BMP7: variants seen among roughly 807,000 people sequenced by gnomAD.
The protein encoded by BMP7 is bone morphogenetic protein 7.
A neutral mutation model predicts 41.2 loss-of-function variants in BMP7; 12 were observed. The observed-to-expected ratio is 0.29, with a 90% CI of 0.19 to 0.47. The LOEUF is 0.47. Ranked by LOEUF, BMP7 falls within the 20% of genes least tolerant of loss-of-function variation. The probability of loss-of-function intolerance (pLI) is 0.99; values close to 1 mark genes in which losing one functional copy is unlikely to be tolerated. For synonymous variants in BMP7, 248 were observed against 250.0 expected (o/e 0.99, Z 0.07); for missense variants, 467 against 606.0 (o/e 0.77, Z 2.41).
chr20:57,226,477 G>A (rs529826182), intron 2 of BMP7, among the ~76,000 whole-genome samples: 1 of 152,208 alleles, frequency 6.6e-6, no homozygotes, highest in African/African-American at 2.4e-5. Context: ...CTTGCCCTGC[G>A]GCACCATCCA....
At chr20:57,217,190 C>T (rs916209357) in intron 2 of BMP7, among the ~76,000 whole-genome samples, 1 of 152,138 alleles carries the variant, frequency 6.6e-6, no homozygotes, top group Non-Finnish European at 1.5e-5. Flanking sequence ...CCCCACCCAC[C>T]CTCTCCCACT....
intron 1 of BMP7, among the ~76,000 whole-genome samples, chr20:57,255,799 C>CAAAAAAAAAA (rs3067106): frequency 5.8e-4 from 28 of 48,558 alleles, no homozygotes; most frequent in East Asian, 2.4e-3. Context: ...GACTCCATCT[C>CAAAAAAAAAA]AAAAAAAAAA....
At chr20:57,209,254 T>C (rs1177785413) in intron 2 of BMP7, among the ~76,000 whole-genome samples, 1 of 101,246 alleles carries the variant, frequency 9.9e-6, no homozygotes, top group African/African-American at 1.2e-4. Context: ...TATTTTTATA[T>C]ATATATATAT....
chr20:57,178,271 C>T (rs1983984026), intron 4 of BMP7, among the ~76,000 whole-genome samples: 1 of 152,172 alleles, frequency 6.6e-6, no homozygotes, highest in African/African-American at 2.4e-5. Flanking sequence ...GGATCAGAGG[C>T]AGGCACTGAG....
intron 1 of BMP7, among the ~76,000 whole-genome samples, chr20:57,263,810 T>TA (rs56724910): frequency 0.11 from 17,202 of 152,072 alleles, 2,556 homozygotes; most frequent in African/African-American, 0.34. Context: ...CACATTGTTT[T>TA]AAAAAAATCA....
intron 1 of BMP7, among the ~76,000 whole-genome samples, chr20:57,243,681 CGTGCCAAGTTCACGACCGCAGAG>C (rs1157604233): frequency 6.6e-6 from 1 of 152,080 alleles, no homozygotes; most frequent in Non-Finnish European, 1.5e-5. Context: ...AATTGTTAGA[CGTGCCAAGTTCACGACCGCAGAG>C]GCTTTGCTCC....
At chr20:57,192,518 C>T (rs951121059) in intron 3 of BMP7, among the ~76,000 whole-genome samples, 2 of 151,156 alleles carry the variant, frequency 1.3e-5, no homozygotes, top group African/African-American at 2.4e-5. Flanking sequence ...TAACTATTTA[C>T]TTTGATTATT....
In BMP7 at chr20:57,220,699, A is replaced by G. The variant is rs528334477; in HGVS notation, c.611+7530T>C. Among the ~76,000 whole-genome samples, 9 of 152,322 alleles carry G rather than the reference A, an allele frequency of 5.9e-5. No individual in the cohort carries two copies. In the South Asian group the frequency reaches 1.9e-3, roughly 32 times the overall value. On this transcript the variant is annotated intron_variant, in intron 2 of 6. Coordinates refer to ENST00000395863, the MANE Select transcript of BMP7 (RefSeq NM_001719.3). ...CCTACCCTTGGGCACCCACTGGCAC[A>G]CAGCTGTAAATAACGTAATTATAAT...
intron 1 of BMP7, among the ~76,000 whole-genome samples, chr20:57,257,426 TAAC>T (rs1209674167): frequency 4.6e-5 from 7 of 152,210 alleles, no homozygotes; most frequent in African/African-American, 1.2e-4. Flanking sequence ...AAAATTGTGT[TAAC>T]AATTAAAATT....
chr20:57,191,253 T>C (rs1319371241), intron 3 of BMP7, among the ~76,000 whole-genome samples: 1 of 152,148 alleles, frequency 6.6e-6, no homozygotes, highest in African/African-American at 2.4e-5. Context: ...TGTTCATGCC[T>C]CGGGTACTGA....
rs758480033 is a variant in BMP7 at position 57,265,755 on chromosome 20, T to C, written c.368A>G (p.Asp123Gly). The C allele has an allele frequency of 6.2e-7, 1 of 1,611,114 alleles. No homozygotes were observed. Among genetic ancestry groups the C allele is most frequent in the Admixed American group, 1.7e-5 (1 of 59,770 alleles). The change falls in exon 1 of 7, where the codon GAT becomes GGT. Residue 123 changes from aspartate to glycine, a missense_variant. Asp to Gly is a moderately conservative substitution (Grantham distance 94). Transcript: ENST00000395863. ...TQGPPLASLQ[D>G]SHFLTDADMV... The stretch of plus-strand genomic sequence containing the variant: ...GTCGGCGTCGGTGAGGAAATGGCTA[T>C]CTTGCAGGCTGGCCAGAGGGGGGCC...
At chr20:57,222,975 G>A (rs1985224482) in intron 2 of BMP7, among the ~76,000 whole-genome samples, 1 of 152,010 alleles carries the variant, frequency 6.6e-6, no homozygotes, top group Admixed American at 6.6e-5. Context: ...TCAGTCTCAT[G>A]GGAAGAAGAA....
At chr20:57,207,481 T>C (rs982996651) in intron 2 of BMP7, among the ~76,000 whole-genome samples, 4 of 152,150 alleles carry the variant, frequency 2.6e-5, no homozygotes, top group Admixed American at 6.6e-5. Flanking sequence ...ATATGAGTGG[T>C]TAGTTTCAGA....
chr20:57,216,777 A>T (rs1166382302), intron 2 of BMP7, among the ~76,000 whole-genome samples: 1 of 152,100 alleles, frequency 6.6e-6, no homozygotes, highest in Non-Finnish European at 1.5e-5. Flanking sequence ...CATCTCTCCG[A>T]GGAGGAGTGG....
chr20:57,223,892 A>G (rs2123113078), intron 2 of BMP7, among the ~76,000 whole-genome samples: 1 of 152,326 alleles, frequency 6.6e-6, no homozygotes, highest in South Asian at 2.1e-4. Context: ...CCACCCCAGC[A>G]TCCCCAGGAG....
Position 57,223,162 on chromosome 20 carries a change from G to A in BMP7, c.611+5067C>T, listed in dbSNP as rs575426995. Among the ~76,000 whole-genome samples the A allele has an allele frequency of 3.3e-5, 5 of 152,026 alleles. No homozygotes were observed. In the South Asian group the frequency reaches 6.3e-4, roughly 19 times the overall value. ...GGAGAATCACTTGAACTTGAGAGGT[G>A]GAGGTTGCAGTGAGCTGGGATCGTG... On this transcript the variant is annotated intron_variant, in intron 2 of 6. Transcript: ENST00000395863.
At chr20:57,177,950 C>G (rs561143525) in intron 4 of BMP7, 6 of 152,420 alleles carry the variant, frequency 3.9e-5, no homozygotes, top group East Asian at 1.9e-4. Context: ...AGGTGTAAGA[C>G]AGCAAAGCCC....
chr20:57,225,997 G>T (rs2123115210), intron 2 of BMP7: 1 of 468,144 alleles, frequency 2.1e-6, no homozygotes, highest in South Asian at 1.6e-5. Flanking sequence ...CAGCCCAGAA[G>T]CCCCCAGGAG....
At position 57,261,531 on chromosome 20, in the gene BMP7, T is replaced by C. The variant is rs901996420; in HGVS notation, c.418+4174A>G. ...GGGAAAAGTGGAGGAAAATCTTTGATTTATATAAGCAGGAAAATGAGGTTT... is the reference window on the plus strand; with the variant it reads ...GGGAAAAGTGGAGGAAAATCTTTGACTTATATAAGCAGGAAAATGAGGTTT... On this transcript the variant is annotated intron_variant, in intron 1 of 6. Coordinates refer to ENST00000395863, the MANE Select transcript of BMP7 (RefSeq NM_001719.3). This position sits in a 1 kb window ranked among gnomAD's most constrained non-coding sequence, Gnocchi z 4.1. Among the ~76,000 whole-genome samples, 1 of 152,180 alleles carries C rather than the reference T, an allele frequency of 6.6e-6. No homozygotes were observed. The highest frequency in any genetic ancestry group is 1.5e-5 in the Non-Finnish European group (1 of 68,036).
Sources: gnomAD v4.1 joint callset for allele counts (sites outside exome capture counted in the v4.1 genomes callset) on GRCh38, gnomAD v4.1.1 for gene constraint, Gnocchi (gnomAD v3.1) non-coding constraint, MANE v1.5 for transcripts, NCBI Gene and HGNC (gene_info 2026-07-23, HGNC 2026-07-21) for gene names.